The following RBM33 variants were observed in gnomAD, a reference collection of about 807,000 sequenced individuals.
RBM33 encodes RNA-binding protein 33.
A neutral mutation model predicts 132.6 loss-of-function variants in RBM33; 28 were observed. The ratio of observed to expected loss-of-function variants is 0.21; its 90% CI spans 0.16 to 0.29. The LOEUF (loss-of-function observed/expected upper bound fraction) is 0.29, where lower values mean the gene tolerates loss of function less well. RBM33 is among the 10% of genes least tolerant of loss of function. The pLI is 1.00. For missense variants in RBM33, 1,291 were observed against 1,518.5 expected, an observed-to-expected ratio of 0.85 and a Z score of 2.49; for synonymous variants, 634 against 593.0, an observed-to-expected ratio of 1.07 and a Z score of -1.01.
At position 155,672,868 on chromosome 7, in the gene RBM33, G is replaced by T; in HGVS notation, c.124G>T (p.Glu42Ter). 6.5e-7 allele frequency: 1 copy of T among 1,545,496 alleles called. No individual in the cohort carries two copies. The highest frequency in any genetic ancestry group is 1.2e-5 in the South Asian group (1 of 83,220). The change falls in exon 3 of 18, where the codon GAA becomes TAA. Residue 42 changes from glutamate to a stop codon, truncating the protein, a stop_gained and splice_region_variant. Coordinates refer to ENST00000401878, the MANE Select transcript of RBM33 (RefSeq NM_053043.3). LOFTEE classifies it high-confidence loss of function. ...CATGTCTCTTTTTTTTCTCCCAAGT[G>T]AACTTGAAGATGATTTACTTGGAGA... ...RRAADEDWDSELEDDLLGEDL... is the reference protein window; with the variant it reads ...RRAADEDWDS
In RBM33 at chr7:155,742,088, G is replaced by A. The variant is rs1801362289; in HGVS notation, c.2319G>A (p.Glu773=). ...GCCCTGTGGCTCAACCTAAAGAAGA[G>A]GCAAAAACAGAAACAGAGGTAGGAC... is the stretch of plus-strand genomic sequence containing the variant. ...PASPVAQPKE[E]AKTETEFPDE... Residue 773 remains glutamate (E), a synonymous_variant, in exon 13 of 18, where the codon GAG becomes GAA. Transcript: ENST00000401878. 8 of 1,612,614 alleles carry A rather than the reference G, an allele frequency of 5.0e-6. No individual in the cohort carries two copies. Among genetic ancestry groups the A allele is most frequent in the Non-Finnish European group, 6.8e-6 (8 of 1,179,054 alleles).
chr7:155,777,230 G>C lies in RBM33; in HGVS notation c.*2189G>C, dbSNP rs1236603817. 6.6e-6 allele frequency: 1 copy of C among 152,500 alleles called. No individual in the cohort carries two copies. Among genetic ancestry groups the C allele is most frequent in the Non-Finnish European group, 1.5e-5 (1 of 68,016 alleles). The allele number at this position is 152,500 out of a possible 1,614,324, so 9.4% of individuals were successfully genotyped here. ...TCATGGCCACTGGAAGGTCTGTTTT[G>C]GTGTTACCTGAGTGTGACACAGGCC... On this transcript the variant is annotated 3_prime_UTR_variant, in exon 18 of 18. Transcript: ENST00000401878.
chr7:155,698,678 C>T (rs1382786577), intron 5 of RBM33, among the ~76,000 whole-genome samples: 1 of 152,156 alleles, frequency 6.6e-6, no homozygotes, highest in African/African-American at 2.4e-5. Context: ...TTGTGCTATC[C>T]TTTTGTGGCC....
chr7:155,750,564 C>T (rs1308212130), intron 14 of RBM33, among the ~76,000 whole-genome samples: 2 of 152,172 alleles, frequency 1.3e-5, no homozygotes, highest in Non-Finnish European at 2.9e-5. Flanking sequence ...TGCCTGGCCT[C>T]AATGAATCCC....
At chr7:155,706,766 G>A in intron 6 of RBM33, 94 bp from the exon 7 acceptor site, 1 of 1,058,378 alleles carries the variant, frequency 9.4e-7, no homozygotes, top group East Asian at 2.6e-5. Context: ...CTGTGGCAGA[G>A]TTTCATTGTC....
At chr7:155,670,846 A>G (rs1229515199) in intron 2 of RBM33, among the ~76,000 whole-genome samples, 1 of 152,124 alleles carries the variant, frequency 6.6e-6, no homozygotes, top group South Asian at 2.1e-4. Flanking sequence ...TTCTCTACTC[A>G]TTTTATAGTT....
chr7:155,776,074 T>A lies in RBM33; in HGVS notation c.*1033T>A, dbSNP rs1023290471. On this transcript the variant is annotated 3_prime_UTR_variant, in exon 18 of 18. Transcript: ENST00000401878. The surrounding 1 kb of genome is among the most constrained non-coding windows in gnomAD (Gnocchi z 4.0). ...AGGGTGGCTTTCTTCCAGCCCCAAA[T>A]GAGACGAGTCTGTGTCATCATTGAA... 1 of 152,380 alleles carries A rather than the reference T, an allele frequency of 6.6e-6. No homozygotes were observed. Among genetic ancestry groups the A allele is most frequent in the African/African-American group, 2.4e-5 (1 of 41,446 alleles). 9.4% of individuals were successfully genotyped at this position (152,380 alleles called of 1,614,324 possible).
intron 15 of RBM33, among the ~76,000 whole-genome samples, 192 bp from the exon 16 acceptor site, chr7:155,766,274 TA>T (rs1338349873): frequency 6.6e-6 from 1 of 152,164 alleles, no homozygotes; most frequent in Non-Finnish European, 1.5e-5. Context: ...CGCCTACACT[TA>T]AACTTGCTGG....
At chr7:155,771,763 G>A (rs573946547) in intron 16 of RBM33, among the ~76,000 whole-genome samples, 1 of 151,706 alleles carries the variant, frequency 6.6e-6, no homozygotes, top group South Asian at 2.1e-4. Flanking sequence ...ACAGAGTCTC[G>A]CTCTGTCACC....
rs1006525 is a variant in RBM33 at position 155,779,507 on chromosome 7, C to A, written c.*4466C>A. The A allele has an allele frequency of 3.7e-4, 57 of 152,304 alleles. No homozygotes were observed. Among genetic ancestry groups the A allele is most frequent in the African/African-American group, 1.2e-3 (51 of 41,546 alleles). The allele number at this position is 152,304 out of a possible 1,614,324, so 9.4% of individuals were successfully genotyped here. A position where few individuals can be genotyped will look rare whatever the true frequency, so the allele number is the denominator to read the frequency against. On this transcript the variant is annotated 3_prime_UTR_variant, in exon 18 of 18. Transcript: ENST00000401878. ...TTGGACATTCTTAAATATGAATTCT[C>A]CAAAGGCATTTAGCCTTGACTTAAT...
rs1585520572 is a variant in RBM33 at position 155,745,319 on chromosome 7, A to G, written c.2696A>G (p.Asn899Ser). Residue 899 changes from asparagine (N) to serine (S), a missense_variant, in exon 14 of 18, where the codon AAC (asparagine) becomes AGC (serine). Physicochemically the swap from Asn to Ser is conservative, Grantham distance 46 (BLOSUM62 1). This residue lies in a region of RBM33 where 841 missense variants were observed against 912.0 expected (regional missense o/e 0.92). Coordinates refer to ENST00000401878, the MANE Select transcript of RBM33 (RefSeq NM_053043.3). The surrounding 1 kb of genome is among the most constrained non-coding windows in gnomAD (Gnocchi z 4.1). ...KTSNFVPSSA[N>S]MQYQGQQMKA... ...TCCAATTTTGTACCATCCAGTGCCAACATGCAGTATCAAGGACAACAGATG... is the reference window on the plus strand; with the variant it reads ...TCCAATTTTGTACCATCCAGTGCCAGCATGCAGTATCAAGGACAACAGATG... 1.2e-6 allele frequency: 2 copies of G among 1,613,204 alleles called. No homozygotes were observed. The highest frequency in any genetic ancestry group is 8.5e-7 in the Non-Finnish European group (1 of 1,179,512).
chr7:155,696,555 A>G (rs528414023), intron 5 of RBM33, among the ~76,000 whole-genome samples: 17 of 152,322 alleles, frequency 1.1e-4, no homozygotes, highest in African/African-American at 3.8e-4. Flanking sequence ...TATCAGATTG[A>G]AGAAGGTCTT....
At chr7:155,661,391 TTTTTTTTTTCTTTC>T (rs1363270385) in intron 1 of RBM33, among the ~76,000 whole-genome samples, 2 of 142,072 alleles carry the variant, frequency 1.4e-5, no homozygotes, top group African/African-American at 5.9e-5. Context: ...TGAAGTGGTT[TTTTTTTTTTCTTTC>T]TTTTTTTTTC....
At chr7:155,766,907 G>T in intron 16 of RBM33, 1 of 506,948 alleles carries the variant, frequency 2.0e-6, no homozygotes. Flanking sequence ...TATCCTTTGA[G>T]ATCCTTTTAA....
chr7:155,676,341 C>T (rs1046373932), intron 3 of RBM33, among the ~76,000 whole-genome samples: 1 of 152,202 alleles, frequency 6.6e-6, no homozygotes, highest in Non-Finnish European at 1.5e-5. Context: ...AAGTTGGCTG[C>T]CAGCTTGCAG....
intron 11 of RBM33, chr7:155,739,495 A>G (rs1188173943): frequency 1.7e-6 from 1 of 575,664 alleles, no homozygotes; most frequent in Non-Finnish European, 3.0e-6. Context: ...AGGACAATTC[A>G]ATCCTAGAAT....
chr7:155,759,930 G>T (rs1054531650), intron 14 of RBM33, among the ~76,000 whole-genome samples: 4 of 152,126 alleles, frequency 2.6e-5, no homozygotes, highest in Admixed American at 2.6e-4. Context: ...AGGTACTGTC[G>T]CCTCTCTTTC....
At chr7:155,685,938 C>G (rs1457324600) in intron 5 of RBM33, among the ~76,000 whole-genome samples, 1 of 152,174 alleles carries the variant, frequency 6.6e-6, no homozygotes, top group Non-Finnish European at 1.5e-5. Context: ...CTTTTCCCCC[C>G]CAGTATGAAT....
Position 155,744,984 on chromosome 7 carries a change from A to T in RBM33, c.2361A>T (p.Thr787=). The T allele has an allele frequency of 1.3e-6, 2 of 1,574,500 alleles. No homozygotes were observed. The highest frequency in any genetic ancestry group is 1.7e-6 in the Non-Finnish European group (2 of 1,164,310). Reference sequence around the variant, plus strand: ...AGTTTCCTGATGAAGATGAGGAAACAAGGTTATATCGCTTAAAGATAGAAG... The same window carrying T: ...AGTTTCCTGATGAAGATGAGGAAACTAGGTTATATCGCTTAAAGATAGAAG... The part of the protein sequence containing the change: ...ETEFPDEDEE[T]RLYRLKIEEQ... Residue 787 remains threonine, a synonymous_variant, in exon 14 of 18, where the codon ACA becomes ACT. Transcript: ENST00000401878.
Sources: allele counts gnomAD v4.1 joint callset (sites outside exome capture counted in the v4.1 genomes callset), GRCh38; gene constraint gnomAD v4.1.1; regional missense constraint gnomAD v4.1.1; non-coding constraint Gnocchi (gnomAD v3.1); transcripts MANE v1.5; gene names NCBI Gene and HGNC (gene_info 2026-07-23, HGNC 2026-07-21).